GABRB1: variants seen among roughly 807,000 people sequenced by gnomAD.
The protein encoded by GABRB1 is gamma-aminobutyric acid type A receptor subunit beta1, also known as gamma-aminobutyric acid receptor subunit beta-1.
In GABRB1, 17 loss-of-function variants were observed where a neutral mutation model predicts 51.6. The observed-to-expected ratio is 0.33, with a 90% CI of 0.23 to 0.49. The LOEUF is 0.49. GABRB1 is among the 20% of genes least tolerant of loss of function. The probability of loss-of-function intolerance (pLI) is 0.99; values close to 1 mark genes in which losing one functional copy is unlikely to be tolerated. For synonymous variants in GABRB1, 247 were observed against 218.9 expected (o/e 1.13, Z -1.14); for missense variants, 410 against 600.6 (o/e 0.68, Z 3.32).
chr4:47,138,104 T>C (rs938017354), intron 3 of GABRB1, among the ~76,000 whole-genome samples: 2 of 152,148 alleles, frequency 1.3e-5, no homozygotes, highest in East Asian at 3.9e-4. Flanking sequence ...CCACCACTGA[T>C]TCTCCATGAA....
intron 8 of GABRB1, among the ~76,000 whole-genome samples, chr4:47,422,246 TC>T (rs1239882680): frequency 6.6e-6 from 1 of 152,158 alleles, no homozygotes; most frequent in Non-Finnish European, 1.5e-5. Flanking sequence ...CCTCACTCAC[TC>T]CCTTAGAATT....
At chr4:47,036,395 C>T (rs1725568073) in intron 3 of GABRB1, among the ~76,000 whole-genome samples, 1 of 152,148 alleles carries the variant, frequency 6.6e-6, no homozygotes, top group Admixed American at 6.5e-5. Flanking sequence ...GTCAGTGCTT[C>T]TCAATCTTTA....
intron 4 of GABRB1, among the ~76,000 whole-genome samples, chr4:47,217,967 A>T (rs1720619370): frequency 6.6e-6 from 1 of 151,672 alleles, no homozygotes; most frequent in Admixed American, 6.6e-5. Context: ...CCCATTAACC[A>T]ATCTTTCTTC....
intron 5 of GABRB1, among the ~76,000 whole-genome samples, chr4:47,383,322 G>A (rs1475186591): frequency 6.6e-6 from 1 of 152,086 alleles, no homozygotes; most frequent in Non-Finnish European, 1.5e-5. Flanking sequence ...ATGATTATTG[G>A]AGGTTGTGTG....
intron 5 of GABRB1, among the ~76,000 whole-genome samples, chr4:47,349,700 T>A (rs1330860494): frequency 6.6e-6 from 1 of 152,184 alleles, no homozygotes; most frequent in Non-Finnish European, 1.5e-5. Flanking sequence ...TAAGGTTAGG[T>A]TCAACAAGCT....
intron 5 of GABRB1, among the ~76,000 whole-genome samples, chr4:47,356,493 C>G (rs1391889120): frequency 3.3e-5 from 5 of 152,154 alleles, no homozygotes; most frequent in Non-Finnish European, 1.5e-5. Flanking sequence ...CTCAGTCAAT[C>G]TTGTCTGCTG....
rs1729298916 is a variant in GABRB1, at chr4:47,426,413, A to G, written c.*395A>G. The stretch of plus-strand genomic sequence containing the variant: ...CTGCACTGCTTCCTGGTAAACTATA[A>G]CAAACTTATGCTGCCAAAAAAAAAA... On this transcript the variant is annotated 3_prime_UTR_variant, in exon 9 of 9. Coordinates refer to ENST00000295454, the MANE Select transcript of GABRB1 (RefSeq NM_000812.4). The G allele has an allele frequency of 6.6e-6, 1 of 150,760 alleles. No individual in the cohort carries two copies. Among genetic ancestry groups the G allele is most frequent in the South Asian group, 2.1e-4 (1 of 4,668 alleles). 9.3% of individuals were successfully genotyped at this position (150,760 alleles called of 1,614,324 possible).
intron 3 of GABRB1, among the ~76,000 whole-genome samples, chr4:47,094,530 T>G (rs1238872081): frequency 6.6e-6 from 1 of 152,022 alleles, no homozygotes; most frequent in Non-Finnish European, 1.5e-5. Context: ...GCCCAAAAAG[T>G]TAATTCTTAC....
rs151084062 is a variant in GABRB1 at position 46,997,143 on chromosome 4, C to T, written c.-20+3217C>T. On this transcript the variant is annotated intron_variant, in intron 1 of 3. Coordinates refer to the GABRB1 transcript ENST00000513567. ...TTTCCACTGAAATATTACCTGTATA[C>T]CAGCCTACTATCATTGTCTAGTTAT... is the stretch of plus-strand genomic sequence containing the variant. Among the ~76,000 whole-genome samples, 8 of 152,178 alleles carry T rather than the reference C, an allele frequency of 5.3e-5. No individual in the cohort carries two copies. The South Asian group carries it at 1.5e-3, about 28-fold the overall frequency.
Position 47,161,244 on chromosome 4 carries a change from C to A in GABRB1, c.241-5C>A. On this transcript the variant is annotated splice_polypyrimidine_tract_variant and splice_region_variant and intron_variant, in intron 3 of 8. Transcript: ENST00000295454. ...TTTTTTTTTTTTGCTTTCTTTATTTCACAGGATTATACACTCACCATGTAT... is the reference window on the plus strand; with the variant it reads ...TTTTTTTTTTTTGCTTTCTTTATTTAACAGGATTATACACTCACCATGTAT... 7.6e-6 allele frequency: 11 copies of A among 1,452,576 alleles called. No homozygotes were observed. Among genetic ancestry groups the A allele is most frequent in the South Asian group, 1.3e-5 (1 of 76,752 alleles). 90.0% of individuals were successfully genotyped at this position (1,452,576 alleles called of 1,614,324 possible).
intron 4 of GABRB1, among the ~76,000 whole-genome samples, chr4:47,222,432 G>T (rs1191548147): frequency 6.6e-6 from 1 of 151,964 alleles, no homozygotes. Context: ...GACTTGCTTT[G>T]GTCAATAAGC....
chr4:47,253,312 C>T (rs1264003706), intron 4 of GABRB1, among the ~76,000 whole-genome samples: 2 of 152,110 alleles, frequency 1.3e-5, no homozygotes, highest in African/African-American at 2.4e-5. Flanking sequence ...TGTGTGAGTC[C>T]GTGAGCTCTA....
intron 3 of GABRB1, among the ~76,000 whole-genome samples, chr4:47,132,403 TTTGG>T (rs760250788): frequency 0.031 from 536 of 17,094 alleles, 19 homozygotes; most frequent in East Asian, 0.24. Flanking sequence ...TTTGGTTTGG[TTTGG>T]TTTGGTTTGG....
At chr4:47,238,813 G>A (rs1318308936) in intron 4 of GABRB1, among the ~76,000 whole-genome samples, 3 of 152,138 alleles carry the variant, frequency 2.0e-5, no homozygotes, top group Non-Finnish European at 2.9e-5. Context: ...TTTATATGAA[G>A]TACAAAAGGC....
intron 4 of GABRB1, among the ~76,000 whole-genome samples, chr4:47,206,354 A>G (rs1467183800): frequency 6.6e-6 from 1 of 152,002 alleles, no homozygotes; most frequent in South Asian, 2.1e-4. Flanking sequence ...CTCTACATGG[A>G]AGCTGGATGG....
rs569067109 is a variant in GABRB1 at position 47,338,488 on chromosome 4, T to C, written c.544+18279T>C. ...AGAAACCTTTCGTTGATATTTTAAC[T>C]AAGCATTAAATTCCAATGTGCTTTT... On this transcript the variant is annotated intron_variant, in intron 5 of 8. Transcript: ENST00000295454. Among the ~76,000 whole-genome samples the C allele has an allele frequency of 5.3e-5, 8 of 152,354 alleles. No homozygotes were observed. The South Asian group carries it at 1.7e-3, about 32-fold the overall frequency.
At chr4:47,024,416 A>T (rs930059694) in intron 1 of GABRB1, among the ~76,000 whole-genome samples, 2 of 151,954 alleles carry the variant, frequency 1.3e-5, no homozygotes, top group Admixed American at 1.3e-4. Context: ...TAATGACAGG[A>T]AGGGAAAGAA....
chr4:47,417,187 G>A (rs1728954709), intron 8 of GABRB1, among the ~76,000 whole-genome samples: 1 of 152,086 alleles, frequency 6.6e-6, no homozygotes, highest in Non-Finnish European at 1.5e-5. Flanking sequence ...AACTGTAAAT[G>A]CCAATCACAT....
intron 5 of GABRB1, among the ~76,000 whole-genome samples, chr4:47,400,921 CTTTTTTTTTTTT>C (rs71195629): frequency 2.3e-4 from 23 of 98,568 alleles, no homozygotes; most frequent in African/African-American, 9.0e-4. Context: ...TTGTTCTTCT[CTTTTTTTTTTTT>C]TTTTTTTTTT....
Sources: gnomAD v4.1 joint callset for allele counts (sites outside exome capture counted in the v4.1 genomes callset) on GRCh38, gnomAD v4.1.1 for gene constraint, MANE v1.5 for transcripts, NCBI Gene and HGNC (gene_info 2026-07-23, HGNC 2026-07-21) for gene names.